HIPK2: variants seen among roughly 807,000 people sequenced by gnomAD.
HIPK2 encodes homeodomain interacting protein kinase 2.
In HIPK2, 27 loss-of-function variants were observed where a neutral mutation model predicts 113.7. That is an observed-to-expected ratio of 0.24 (90% CI 0.17 to 0.33). The LOEUF (loss-of-function observed/expected upper bound fraction) is 0.33. Among genes scored for constraint, HIPK2 ranks in the 10% least tolerant of loss-of-function variants. The pLI, the probability that HIPK2 is intolerant of heterozygous loss-of-function variation, is 1.00. For missense variants in HIPK2, 1,257 were observed against 1,588.0 expected (o/e 0.79, Z 3.54); for synonymous variants, 631 against 642.2 (o/e 0.98, Z 0.26).
intron 2 of HIPK2, among the ~76,000 whole-genome samples, chr7:139,656,205 A>G (rs920837283): frequency 1.3e-5 from 2 of 151,648 alleles, no homozygotes; most frequent in Non-Finnish European, 2.9e-5. Flanking sequence ...CCCAGCCCCA[A>G]TCTCTCCCTG....
chr7:139,664,136 G>A (rs1317832357), intron 2 of HIPK2, among the ~76,000 whole-genome samples: 12 of 147,626 alleles, frequency 8.1e-5, no homozygotes, highest in African/African-American at 3.0e-4. Context: ...AAACAAACAA[G>A]CAAGCAAACC....
chr7:139,612,281 G>A (rs1799861094), intron 9 of HIPK2, among the ~76,000 whole-genome samples: 1 of 152,128 alleles, frequency 6.6e-6, no homozygotes, highest in African/African-American at 2.4e-5. Context: ...TAGTGTCTTT[G>A]GGAAAAGCCT....
chr7:139,725,423 T>G (rs1795547553), intron 1 of HIPK2, among the ~76,000 whole-genome samples: 1 of 152,218 alleles, frequency 6.6e-6, no homozygotes, highest in South Asian at 2.1e-4. Context: ...GCGGTCTCTG[T>G]ACTAGAAAGC....
intron 2 of HIPK2, among the ~76,000 whole-genome samples, chr7:139,671,021 C>G (rs1269810954): frequency 6.6e-6 from 1 of 151,974 alleles, no homozygotes; most frequent in Non-Finnish European, 1.5e-5. Context: ...TCAGCCTCCC[C>G]AAGTGCTGGG....
chr7:139,747,681 T>C (rs1401166763), intron 1 of HIPK2, among the ~76,000 whole-genome samples: 1 of 152,200 alleles, frequency 6.6e-6, no homozygotes, highest in Admixed American at 6.5e-5. Flanking sequence ...ACAAGGGCAC[T>C]AGCCAAGCCA....
At chr7:139,707,926 T>C (rs1403131913) in intron 2 of HIPK2, among the ~76,000 whole-genome samples, 1 of 152,032 alleles carries the variant, frequency 6.6e-6, no homozygotes, top group Non-Finnish European at 1.5e-5. Context: ...AACCACCCAC[T>C]GCTTGCCAGT....
intron 13 of HIPK2, among the ~76,000 whole-genome samples, chr7:139,576,941 G>A (rs1798512325): frequency 6.6e-6 from 1 of 152,096 alleles, no homozygotes; most frequent in Non-Finnish European, 1.5e-5. Context: ...TGCTTTACTA[G>A]CCCCCCATGT....
chr7:139,751,771 T>C (rs1796283679), intron 1 of HIPK2, among the ~76,000 whole-genome samples: 1 of 152,140 alleles, frequency 6.6e-6, no homozygotes, highest in Admixed American at 6.5e-5. Context: ...AGAATCACAA[T>C]CTTCTTCAGA....
rs1798308537 is a variant in HIPK2 at position 139,572,301 on chromosome 7, C to T, written c.*626G>A. On this transcript the variant is annotated 3_prime_UTR_variant, in exon 15 of 15. Transcript: ENST00000406875. ...AGCCCGGACTGGGCTTCGCCAATCC[C>T]ACACCAGCTCCAAACATCAGCCTCC... 1 of 152,238 alleles carries T rather than the reference C, an allele frequency of 6.6e-6. No homozygotes were observed. The highest frequency in any genetic ancestry group is 1.5e-5 in the Non-Finnish European group (1 of 68,054). The allele number at this position is 152,238 out of a possible 1,614,324, so 9.4% of individuals were successfully genotyped here.
At chr7:139,581,367 G>C (rs1798663474) in intron 13 of HIPK2, among the ~76,000 whole-genome samples, 1 of 152,192 alleles carries the variant, frequency 6.6e-6, no homozygotes, top group South Asian at 2.1e-4. Flanking sequence ...CCAGGGCTCA[G>C]GTCCCCGGGG....
chr7:139,608,252 CGTGTGTGTGTGTGTGTGTGT>C (rs55989071), intron 9 of HIPK2, among the ~76,000 whole-genome samples: 1 of 136,964 alleles, frequency 7.3e-6, no homozygotes, highest in African/African-American at 2.7e-5. Flanking sequence ...CAAAAAAATA[CGTGTGTGTGTGTGTGTGTGT>C]GTGTGTGTGT....
rs1799542146 is a variant in HIPK2 at position 139,604,308 on chromosome 7, G to A, written c.2113-85C>T. 5 of 1,525,472 alleles carry A rather than the reference G, an allele frequency of 3.3e-6. No individual in the cohort carries two copies. In the East Asian group the frequency reaches 1.1e-4, roughly 35 times the overall value. 94.5% of individuals were successfully genotyped at this position (1,525,472 alleles called of 1,614,324 possible). ...GAACCCACACTTATTCTGTGCCTGG[G>A]GTTGTGCTAGACATTCTCATGGGTG... On this transcript the variant is annotated intron_variant, in intron 9 of 14. Coordinates refer to ENST00000406875, the MANE Select transcript of HIPK2 (RefSeq NM_022740.5).
chr7:139,676,799 A>G (rs1389008068), intron 2 of HIPK2, among the ~76,000 whole-genome samples: 1 of 152,176 alleles, frequency 6.6e-6, no homozygotes, highest in African/African-American at 2.4e-5. Flanking sequence ...TGAAATTAAT[A>G]GTGCCATACA....
At chr7:139,590,959 C>T (rs1443201995) in intron 12 of HIPK2, among the ~76,000 whole-genome samples, 5 of 152,206 alleles carry the variant, frequency 3.3e-5, no homozygotes, top group African/African-American at 7.2e-5. Flanking sequence ...ATCCTCCCAT[C>T]TCAGCTTCCC....
At chr7:139,583,599 T>A in intron 13 of HIPK2, 1 of 612,230 alleles carries the variant, frequency 1.6e-6, no homozygotes, top group Non-Finnish European at 2.8e-6. Flanking sequence ...AGAGAGGTAT[T>A]GATTACAGGA....
At chr7:139,745,955 G>A (rs1284951889) in intron 1 of HIPK2, among the ~76,000 whole-genome samples, 8 of 152,176 alleles carry the variant, frequency 5.3e-5, no homozygotes, top group East Asian at 1.9e-4. Context: ...GGATGACCTC[G>A]TGTAAATAGG....
At chr7:139,644,103 G>A (rs544776246) in intron 2 of HIPK2, among the ~76,000 whole-genome samples, 1 of 152,294 alleles carries the variant, frequency 6.6e-6, no homozygotes, top group African/African-American at 2.4e-5. Flanking sequence ...ATGTGTCTCT[G>A]CAGGTGCCTA....
rs141145761 is a variant in HIPK2 at position 139,582,780 on chromosome 7, C to T, written c.2965+1037G>A. On this transcript the variant is annotated intron_variant, in intron 13 of 14. Coordinates refer to ENST00000406875, the MANE Select transcript of HIPK2 (RefSeq NM_022740.5). ...GCAATGCCATGAGCTCTTGGGAGAG[C>T]GTGCCAGGGCTCTGACCCTCACCGT... 4.0e-3 allele frequency among the ~76,000 whole-genome samples: 613 copies of T among 152,324 alleles called. 3 individuals are homozygous for T. Among genetic ancestry groups the T allele is most frequent in the African/African-American group, 0.014 (563 of 41,574 alleles).
In HIPK2 at chr7:139,572,901, C is replaced by CG; in HGVS notation, c.*25_*26insC. 3.5e-6 allele frequency: 2 copies of CG among 575,650 alleles called. 1 individual carries two copies. The highest frequency in any genetic ancestry group is 6.4e-6 in the Non-Finnish European group (2 of 310,116). 35.7% of individuals were successfully genotyped at this position (575,650 alleles called of 1,614,324 possible). The stretch of plus-strand genomic sequence containing the variant: ...CTCCCTCGGGCCATTCTCTCCCTCC[C>CG]TCCCTCCCTCCCTCCCCTCCAGTGT... On this transcript the variant is annotated 3_prime_UTR_variant, in exon 15 of 15. Coordinates refer to ENST00000406875, the MANE Select transcript of HIPK2 (RefSeq NM_022740.5).
Sources: allele counts gnomAD v4.1 joint callset (sites outside exome capture counted in the v4.1 genomes callset), GRCh38; gene constraint gnomAD v4.1.1; transcripts MANE v1.5; gene names NCBI Gene and HGNC (gene_info 2026-07-23, HGNC 2026-07-21).